Variants in TPTE2 observed in about 807,000 individuals in gnomAD.
TPTE2 encodes the protein phosphatidylinositol 3,4,5-trisphosphate 3-phosphatase TPTE2.
In TPTE2, 53 loss-of-function variants were observed where a neutral mutation model predicts 78.6. The observed-to-expected ratio is 0.67, with a 90% CI of 0.54 to 0.85. The LOEUF (loss-of-function observed/expected upper bound fraction) is 0.85. Ranked by LOEUF, TPTE2 falls within the 40% of genes least tolerant of loss-of-function variation. The pLI, the probability that TPTE2 is intolerant of heterozygous loss-of-function variation, is 0.00. For synonymous variants in TPTE2, 175 were observed against 206.2 expected, an observed-to-expected ratio of 0.85 and a Z score of 1.30; for missense variants, 461 against 623.0, an observed-to-expected ratio of 0.74 and a Z score of 2.77.
chr13:19,454,702 A>G (rs140458240), intron 10 of TPTE2, among the ~76,000 whole-genome samples: 3,732 of 152,284 alleles, frequency 0.025, 64 homozygotes, highest in Middle Eastern at 0.051. Flanking sequence ...TTAATAACTG[A>G]TAGAAACCAA....
chr13:19,451,836 T>TGC (rs1878206886), intron 10 of TPTE2, among the ~76,000 whole-genome samples: 1 of 125,044 alleles, frequency 8.0e-6, no homozygotes, highest in South Asian at 2.9e-4. Flanking sequence ...TGTGTGTGTG[T>TGC]GTGTGTGTAT....
intron 18 of TPTE2, chr13:19,425,566 TCA>T (rs1875970576): frequency 3.0e-6 from 1 of 330,364 alleles, no homozygotes; most frequent in Non-Finnish European, 6.0e-6. Context: ...CCTACTTGAC[TCA>T]TCCCACAGAC....
At chr13:19,557,634 G>C in the TPTE2 span, among the ~76,000 whole-genome samples, 1 of 152,222 alleles carries the variant, frequency 6.6e-6, no homozygotes, top group South Asian at 2.1e-4. Context: ...TTAGTCTCTC[G>C]ACGCCTTCCC....
At chr13:19,529,534 T>G (rs1243928803) in intron 1 of TPTE2, among the ~76,000 whole-genome samples, 11 of 152,226 alleles carry the variant, frequency 7.2e-5, no homozygotes, top group Admixed American at 7.2e-4. Context: ...ATTCAGCCCA[T>G]CGAACTCAGA....
intron 3 of TPTE2, among the ~76,000 whole-genome samples, chr13:19,490,379 G>GA (rs1286678921): frequency 1.3e-5 from 2 of 152,000 alleles, no homozygotes; most frequent in Non-Finnish European, 2.9e-5. Context: ...TAGTTACCCT[G>GA]AAAAATGGAC....
chr13:19,517,105 T>C (rs1394999500), intron 1 of TPTE2, among the ~76,000 whole-genome samples: 1 of 152,174 alleles, frequency 6.6e-6, no homozygotes, highest in Non-Finnish European at 1.5e-5. Context: ...CTGTAAGCCC[T>C]GGACCTGCTT....
intron 7 of TPTE2, 78 bp downstream of exon 10, chr13:19,467,147 G>A (rs1445171823): frequency 1.4e-6 from 2 of 1,397,620 alleles, no homozygotes; most frequent in Admixed American, 5.1e-5. Flanking sequence ...AAGTTGAAAA[G>A]ATTATATAGA....
chr13:19,501,479 G>C, intron 1 of TPTE2, among the ~76,000 whole-genome samples: 1 of 121,138 alleles, frequency 8.3e-6, no homozygotes, highest in African/African-American at 3.1e-5. Context: ...ACAGAACAGA[G>C]CCGTCAGAAA....
At chr13:19,546,243 T>C in the TPTE2 span, among the ~76,000 whole-genome samples, 1 of 152,100 alleles carries the variant, frequency 6.6e-6, no homozygotes, top group South Asian at 2.1e-4. Context: ...TTCAGCAACA[T>C]TACATTTCCC....
the TPTE2 span, among the ~76,000 whole-genome samples, chr13:19,558,556 T>C: frequency 6.6e-6 from 1 of 152,260 alleles, no homozygotes. Flanking sequence ...GTTGTCGATA[T>C]TGCTAGTTTT....
chr13:19,461,459 T>C (rs1333852487), intron 10 of TPTE2, among the ~76,000 whole-genome samples: 2 of 152,020 alleles, frequency 1.3e-5, no homozygotes, highest in African/African-American at 4.8e-5. Context: ...TACGTAAAAA[T>C]ATACAATAAA....
rs180733000 is a variant in TPTE2 at position 19,512,156 on chromosome 13, C to A, written c.-43-8879G>T. The stretch of plus-strand genomic sequence containing the variant: ...CTTAATCTGAAAGTGGTATTCAAAT[C>A]CCTCATCTACCCTTTAAAAGGCCAT... On this transcript the variant is annotated intron_variant, in intron 1 of 17. Coordinates refer to the TPTE2 transcript ENST00000390680. Among the ~76,000 whole-genome samples, 64 of 152,256 alleles carry A rather than the reference C, an allele frequency of 4.2e-4. 1 individual carries two copies. Among genetic ancestry groups the A allele is most frequent in the African/African-American group, 1.4e-3 (59 of 41,544 alleles).
intron 17 of TPTE2, among the ~76,000 whole-genome samples, chr13:19,427,320 T>C (rs896634288): frequency 6.6e-6 from 1 of 151,714 alleles, no homozygotes; most frequent in Non-Finnish European, 1.5e-5. Context: ...CTTGACCTCA[T>C]GATCCACCCA....
intron 1 of TPTE2, among the ~76,000 whole-genome samples, chr13:19,509,835 T>C (rs1438049463): frequency 6.6e-6 from 1 of 152,158 alleles, no homozygotes; most frequent in Non-Finnish European, 1.5e-5. Context: ...TCATTGATGA[T>C]GATTATATAA....
intron 13 of TPTE2, among the ~76,000 whole-genome samples, chr13:19,447,278 T>C (rs546259730): frequency 2.3e-4 from 35 of 152,086 alleles, no homozygotes; most frequent in Non-Finnish European, 4.1e-4. Context: ...AAACCCCCTC[T>C]CAGCAAAAAA....
chr13:19,497,859 G>A (rs1261685978), intron 1 of TPTE2, among the ~76,000 whole-genome samples: 13 of 150,666 alleles, frequency 8.6e-5, no homozygotes, highest in Non-Finnish European at 1.3e-4. Flanking sequence ...TCTGAGCTAC[G>A]GGAGGACATT....
intron 13 of TPTE2, among the ~76,000 whole-genome samples, chr13:19,446,284 C>T (rs1877828584): frequency 6.6e-6 from 1 of 152,060 alleles, no homozygotes; most frequent in African/African-American, 2.4e-5. Flanking sequence ...GACAATTCTG[C>T]CTTTATCAAA....
chr13:19,424,898 T>C (rs371534472), intron 19 of TPTE2, 49 bp downstream of exon 22: 12 of 1,147,808 alleles, frequency 1.0e-5, no homozygotes, highest in South Asian at 5.8e-5. Flanking sequence ...ACCTTATTTA[T>C]AGACATTGAA....
At chr13:19,515,551 G>A (rs190320406) in intron 1 of TPTE2, among the ~76,000 whole-genome samples, 318 of 152,126 alleles carry the variant, frequency 2.1e-3, no homozygotes, top group Non-Finnish European at 2.7e-3. Context: ...AGCCATGAGG[G>A]GAACCTTTCA....
Sources: allele counts gnomAD v4.1 joint callset (sites outside exome capture counted in the v4.1 genomes callset), GRCh38; gene constraint gnomAD v4.1.1; transcripts MANE v1.5; gene names NCBI Gene and HGNC (gene_info 2026-07-23, HGNC 2026-07-21).